MAP7D3: variants seen among roughly 807,000 people sequenced by gnomAD.
MAP7D3 encodes MAP7 domain containing 3.
Under a neutral mutation model 62.2 loss-of-function variants are expected in MAP7D3, and 45 were observed. That is an observed-to-expected ratio of 0.72 (90% CI 0.57 to 0.93). The LOEUF is 0.93. MAP7D3 is among the 40% of genes least tolerant of loss of function. The pLI, the probability that MAP7D3 is intolerant of heterozygous loss-of-function variation, is 0.00. For missense variants in MAP7D3, 711 were observed against 683.1 expected, an observed-to-expected ratio of 1.04 and a Z score of -0.45; for synonymous variants, 288 against 248.8, an observed-to-expected ratio of 1.16 and a Z score of -1.48.
intron 4 of MAP7D3, among the ~76,000 whole-genome samples, chrX:136,242,502 G>A (rs1386765944): frequency 3.7e-5 from 4 of 109,175 alleles, no homozygotes; most frequent in Non-Finnish European, 7.6e-5. Flanking sequence ...TTTGCTATAT[G>A]TAGCCTACTT....
chrX:136,216,110 A>G (rs1395827532), downstream of MAP7D3, among the ~76,000 whole-genome samples: 1 of 111,062 alleles, frequency 9.0e-6, no homozygotes, highest in Admixed American at 9.7e-5. Flanking sequence ...AAAAAACAAA[A>G]TATTTTTTTT....
At chrX:136,245,903 TG>T (rs1296791238) in intron 3 of MAP7D3, among the ~76,000 whole-genome samples, 161 bp downstream of exon 3, 1 of 111,985 alleles carries the variant, frequency 8.9e-6, no homozygotes, top group Non-Finnish European at 1.9e-5. Context: ...AGAATTTTCA[TG>T]GGCCTTCTTG....
downstream of MAP7D3, among the ~76,000 whole-genome samples, chrX:136,215,195 A>C (rs776228398): frequency 8.9e-6 from 1 of 111,966 alleles, no homozygotes; most frequent in South Asian, 3.8e-4. Flanking sequence ...GAGGTCCCCA[A>C]CCCTTGGGCC....
upstream of MAP7D3, among the ~76,000 whole-genome samples, chrX:136,252,805 TG>T (rs1470172457): frequency 7.7e-5 from 8 of 104,235 alleles, no homozygotes; most frequent in Non-Finnish European, 1.6e-4. Flanking sequence ...TTAATACAAG[TG>T]GGGGGCCAGG....
intron 16 of MAP7D3, 130 bp from the exon 17 acceptor site, chrX:136,219,801 C>G (rs753604191): frequency 1.7e-6 from 1 of 581,010 alleles, no homozygotes; most frequent in African/African-American, 2.2e-5. Context: ...AATCATAGAA[C>G]AGGATGACTG....
intron 14 of MAP7D3, among the ~76,000 whole-genome samples, 188 bp downstream of exon 14, chrX:136,224,638 AC>A (rs761538751): frequency 1.8e-5 from 2 of 112,001 alleles, no homozygotes; most frequent in East Asian, 2.8e-4. Context: ...ATAAAAAAAA[AC>A]ATTTCACACA....
chrX:136,248,125 G>A (rs2074468660), intron 1 of MAP7D3, among the ~76,000 whole-genome samples: 1 of 111,999 alleles, frequency 8.9e-6, no homozygotes, highest in African/African-American at 3.2e-5. Context: ...GAGCCCAAGA[G>A]TTTGAGGCTG....
intron 7 of MAP7D3, among the ~76,000 whole-genome samples, chrX:136,233,441 A>C (rs2074294211): frequency 9.3e-6 from 1 of 106,995 alleles, no homozygotes; most frequent in African/African-American, 3.4e-5. Flanking sequence ...CACCCGGAAA[A>C]TTTTGTATTT....
At chrX:136,230,780 G>A (rs1426753685) in intron 9 of MAP7D3, 59 bp downstream of exon 9, 2 of 1,125,878 alleles carry the variant, frequency 1.8e-6, no homozygotes, top group South Asian at 2.0e-5. Context: ...ATCAAACATT[G>A]ACATGGAATT....
chrX:136,246,659 C>T (rs1258287537), intron 1 of MAP7D3, among the ~76,000 whole-genome samples: 2 of 111,792 alleles, frequency 1.8e-5, no homozygotes, highest in African/African-American at 3.3e-5. Flanking sequence ...TTAAAAATGT[C>T]TCAAACAAAA....
chrX:136,215,191 C>A (rs768013458), downstream of MAP7D3, among the ~76,000 whole-genome samples: 3 of 111,972 alleles, frequency 2.7e-5, no homozygotes, highest in East Asian at 8.4e-4. Flanking sequence ...AGCAGAGGTC[C>A]CCAACCCTTG....
chrX:136,234,114 A>C (rs769031621), intron 7 of MAP7D3, among the ~76,000 whole-genome samples: 2 of 110,728 alleles, frequency 1.8e-5, no homozygotes, highest in Non-Finnish European at 3.8e-5. Context: ...TGTTTTACTA[A>C]TCATATAAAT....
rs1356618959 is a variant in MAP7D3, at chrX:136,217,843, C to A, written c.*683G>T. ...CCAAGACGGGTGGATCTCTTGAGGC[C>A]AGGATTTCGAGACTAGCCTGGTGAA... On this transcript the variant is annotated 3_prime_UTR_variant, in exon 19 of 19. Coordinates refer to ENST00000316077, the MANE Select transcript of MAP7D3 (RefSeq NM_024597.4). The A allele has an allele frequency of 1.8e-5, 2 of 110,625 alleles. No individual in the cohort carries two copies. Among genetic ancestry groups the A allele is most frequent in the Non-Finnish European group, 3.8e-5 (2 of 52,854 alleles). 9.1% of individuals were successfully genotyped at this position (110,625 alleles called of 1,213,427 possible). A position where few individuals can be genotyped will look rare whatever the true frequency, so the allele number is the denominator to read the frequency against.
At chrX:136,216,134 G>A (rs2074059898), downstream of MAP7D3, among the ~76,000 whole-genome samples, 1 of 109,862 alleles carries the variant, frequency 9.1e-6, no homozygotes, top group African/African-American at 3.3e-5. Context: ...AAAATCAAAA[G>A]ATACTGCAGT....
rs1214988407 is a variant in MAP7D3, at chrX:136,217,292, C to T, written c.*1234G>A. The T allele has an allele frequency of 8.9e-6, 1 of 112,354 alleles. No homozygotes were observed. Among genetic ancestry groups the T allele is most frequent in the Non-Finnish European group, 1.9e-5 (1 of 53,239 alleles). The allele number at this position is 112,354 out of a possible 1,213,427, so 9.3% of individuals were successfully genotyped here. ...AGGCAAGCAAATTTTGGTTGTATCT[C>T]AAGCCTGAGTGTATACTCAACGACA... is the stretch of plus-strand genomic sequence containing the variant. On this transcript the variant is annotated 3_prime_UTR_variant, in exon 19 of 19. Coordinates refer to ENST00000316077, the MANE Select transcript of MAP7D3 (RefSeq NM_024597.4).
chrX:136,248,427 T>C (rs1485916025), intron 1 of MAP7D3, among the ~76,000 whole-genome samples: 2 of 111,998 alleles, frequency 1.8e-5, no homozygotes, highest in East Asian at 5.5e-4. Flanking sequence ...TATGTCTGGA[T>C]ATAATAAAGT....
chrX:136,221,860 T>G (rs963235340), intron 15 of MAP7D3: 5 of 112,961 alleles, frequency 4.4e-5, no homozygotes, highest in African/African-American at 1.6e-4. Flanking sequence ...AGGACCTGAC[T>G]TTCCTGTTCA....
At chrX:136,234,067 G>T (rs1296655105) in intron 7 of MAP7D3, among the ~76,000 whole-genome samples, 1 of 110,724 alleles carries the variant, frequency 9.0e-6, no homozygotes, top group African/African-American at 3.3e-5. Flanking sequence ...AAGAAATAAG[G>T]CTGCAGTACA....
rs370445924 is a variant in MAP7D3, at chrX:136,219,623, C to T, written c.2535G>A (p.Ala845=). 1.7e-4 allele frequency: 207 copies of T among 1,206,522 alleles called. 1 individual carries two copies. The highest frequency in any genetic ancestry group is 2.1e-4 in the Non-Finnish European group (185 of 891,868). The change falls in exon 17 of 19, where the codon GCG becomes GCA. Residue 845 remains alanine, a synonymous_variant. Coordinates refer to ENST00000316077, the MANE Select transcript of MAP7D3 (RefSeq NM_024597.4). ...ATCTGCTGGTGGTGTTGGTTTCATC[C>T]GCCTTTCTGGTTTTCGTTGTGTGAC... is the stretch of plus-strand genomic sequence containing the variant. ...MTSHTTKTRK[A]DETNTTSRSS...
Sources: gnomAD v4.1 joint callset for allele counts (sites outside exome capture counted in the v4.1 genomes callset) on GRCh38, gnomAD v4.1.1 for gene constraint, MANE v1.5 for transcripts, NCBI Gene and HGNC (gene_info 2026-07-23, HGNC 2026-07-21) for gene names.